The following RGS7BP variants were observed in gnomAD, a reference collection of about 807,000 sequenced individuals.
RGS7BP encodes the protein regulator of G protein signaling 7-binding protein.
In RGS7BP, 9 loss-of-function variants were observed where a neutral mutation model predicts 31.3. The observed-to-expected ratio is 0.29, with a 90% CI of 0.17 to 0.50. RGS7BP has a LOEUF of 0.50. Ranked by LOEUF, RGS7BP falls within the 20% of genes least tolerant of loss-of-function variation. The pLI is 0.98. For missense variants in RGS7BP, 274 were observed against 322.0 expected (o/e 0.85, Z 1.14); for synonymous variants, 115 against 120.1 (o/e 0.96, Z 0.28).
intron 2 of RGS7BP, among the ~76,000 whole-genome samples, chr5:64,540,302 C>T (rs1741494949): frequency 6.6e-6 from 1 of 152,058 alleles, no homozygotes; most frequent in Non-Finnish European, 1.5e-5. Flanking sequence ...TAAGATTGAA[C>T]TCATGTTGTA....
At chr5:64,535,442 C>G in intron 2 of RGS7BP, among the ~76,000 whole-genome samples, 1 of 152,180 alleles carries the variant, frequency 6.6e-6, no homozygotes, top group Non-Finnish European at 1.5e-5. Flanking sequence ...TAGCTCTGCT[C>G]TCACCCCATG....
At chr5:64,550,057 G>A (rs1250394828) in intron 2 of RGS7BP, among the ~76,000 whole-genome samples, 1 of 152,058 alleles carries the variant, frequency 6.6e-6, no homozygotes, top group Non-Finnish European at 1.5e-5. Flanking sequence ...CCTCATTTCT[G>A]TCTGATACCT....
intron 2 of RGS7BP, chr5:64,539,789 C>T (rs1015186447): frequency 2.6e-5 from 4 of 152,040 alleles, no homozygotes; most frequent in South Asian, 4.2e-4. Flanking sequence ...TAGTGAAACC[C>T]TCTTTTAAAA....
intron 2 of RGS7BP, among the ~76,000 whole-genome samples, chr5:64,544,510 G>GA (rs34435565): frequency 8.1e-4 from 115 of 141,942 alleles, no homozygotes; most frequent in Non-Finnish European, 9.2e-4. Flanking sequence ...CCCTGTCTCT[G>GA]AAAAAAAAAA....
intron 2 of RGS7BP, among the ~76,000 whole-genome samples, chr5:64,517,415 C>T (rs987024980): frequency 2.0e-5 from 3 of 152,206 alleles, no homozygotes; most frequent in Admixed American, 1.3e-4. Context: ...ATCTCTGTCA[C>T]AGTACCCAAC....
chr5:64,550,760 G>T (rs1043842525), intron 2 of RGS7BP, among the ~76,000 whole-genome samples: 12 of 131,662 alleles, frequency 9.1e-5, no homozygotes, highest in African/African-American at 3.6e-4. Flanking sequence ...TCCCCAGTGT[G>T]TGATGTTCCC....
chr5:64,581,647 A>G (rs186119594), intron 3 of RGS7BP, among the ~76,000 whole-genome samples: 1 of 152,242 alleles, frequency 6.6e-6, no homozygotes, highest in Non-Finnish European at 1.5e-5. Flanking sequence ...AATCTCCTGC[A>G]GTGAACTTGA....
At chr5:64,551,215 A>C (rs1741785877) in intron 2 of RGS7BP, among the ~76,000 whole-genome samples, 1 of 151,076 alleles carries the variant, frequency 6.6e-6, no homozygotes, top group South Asian at 2.1e-4. Context: ...TGTCTATAGA[A>C]GCATCCTGTG....
At chr5:64,580,017 G>T (rs1008712322) in intron 3 of RGS7BP, among the ~76,000 whole-genome samples, 1 of 152,100 alleles carries the variant, frequency 6.6e-6, no homozygotes, top group Non-Finnish European at 1.5e-5. Flanking sequence ...GTCTGCCCAG[G>T]AACCTCTAGT....
intron 2 of RGS7BP, among the ~76,000 whole-genome samples, chr5:64,572,035 G>C (rs1344087928): frequency 2.0e-5 from 3 of 151,994 alleles, no homozygotes; most frequent in Non-Finnish European, 4.4e-5. Context: ...CACCCCCAGG[G>C]GTGACTCTCA....
intron 2 of RGS7BP, among the ~76,000 whole-genome samples, chr5:64,566,073 T>C (rs1162807625): frequency 6.6e-6 from 1 of 152,048 alleles, no homozygotes; most frequent in Non-Finnish European, 1.5e-5. Flanking sequence ...CTAACTATCC[T>C]CTAAATTCAT....
chr5:64,588,086 G>A (rs544960201), intron 3 of RGS7BP, among the ~76,000 whole-genome samples: 1 of 152,108 alleles, frequency 6.6e-6, no homozygotes, highest in South Asian at 2.1e-4. Context: ...AAATATATGT[G>A]ATCAATATAT....
chr5:64,591,578 T>C (rs763242572), intron 3 of RGS7BP, among the ~76,000 whole-genome samples: 1 of 152,092 alleles, frequency 6.6e-6, no homozygotes, highest in African/African-American at 2.4e-5. Context: ...TGGCAATATA[T>C]ATTAAAATTT....
chr5:64,562,905 A>C (rs1742087125), intron 2 of RGS7BP, among the ~76,000 whole-genome samples: 1 of 152,162 alleles, frequency 6.6e-6, no homozygotes, highest in Admixed American at 6.5e-5. Flanking sequence ...GGAAAGCCAG[A>C]TAATGAGTAA....
chr5:64,551,539 G>A (rs1020823465), intron 2 of RGS7BP, among the ~76,000 whole-genome samples: 2 of 151,594 alleles, frequency 1.3e-5, no homozygotes, highest in African/African-American at 2.4e-5. Context: ...TGTGTCTTAA[G>A]GATTTTTATG....
chr5:64,602,427 A>G (rs909516531), intron 5 of RGS7BP, among the ~76,000 whole-genome samples: 7 of 152,142 alleles, frequency 4.6e-5, no homozygotes, highest in African/African-American at 1.7e-4. Flanking sequence ...TTGAGCTCCT[A>G]CTCACAAATG....
At chr5:64,567,087 A>C (rs187032977) in intron 2 of RGS7BP, among the ~76,000 whole-genome samples, 325 of 152,126 alleles carry the variant, frequency 2.1e-3, no homozygotes, top group African/African-American at 7.2e-3. Flanking sequence ...TGGAGATTTG[A>C]GATGCTAATG....
intron 2 of RGS7BP, among the ~76,000 whole-genome samples, chr5:64,510,670 A>C (rs1193103281): frequency 1.3e-5 from 2 of 152,250 alleles, no homozygotes; most frequent in Non-Finnish European, 2.9e-5. Flanking sequence ...GTAACTAATA[A>C]TGAGCTAATT....
rs140169446 is a variant in RGS7BP, at chr5:64,578,697, C to T, written c.463+2793C>T. Among the ~76,000 whole-genome samples the T allele has an allele frequency of 1.5e-3, 229 of 152,304 alleles. 1 individual carries two copies. The highest frequency in any genetic ancestry group is 5.0e-3 in the South Asian group (24 of 4,826). ...TGTGGCTTTATGCGTTCTTTCTCCC[C>T]CATGCTGATGAAAAGCAAATACAAA... On this transcript the variant is annotated intron_variant, in intron 3 of 5. Transcript: ENST00000334025.
Sources: allele counts gnomAD v4.1 joint callset (sites outside exome capture counted in the v4.1 genomes callset), GRCh38; gene constraint gnomAD v4.1.1; transcripts MANE v1.5; gene names NCBI Gene and HGNC (gene_info 2026-07-23, HGNC 2026-07-21).